DOCK5: variants seen among roughly 807,000 people sequenced by gnomAD.
The protein encoded by DOCK5 is dedicator of cytokinesis 5, also known as dedicator of cytokinesis protein 5.
In DOCK5, 142 loss-of-function variants were observed where a neutral mutation model predicts 251.8. The ratio of observed to expected loss-of-function variants is 0.56; its 90% CI spans 0.49 to 0.65. The LOEUF (loss-of-function observed/expected upper bound fraction) is 0.65. DOCK5 is among the 30% of genes least tolerant of loss of function. The pLI is 0.00. For synonymous variants in DOCK5, 842 were observed against 835.5 expected (o/e 1.01, Z -0.13); for missense variants, 2,111 against 2,312.3 (o/e 0.91, Z 1.79).
chr8:25,331,801 T>TATAG (rs1339651435), intron 18 of DOCK5, among the ~76,000 whole-genome samples: 82 of 118,508 alleles, frequency 6.9e-4, no homozygotes, highest in Non-Finnish European at 8.9e-4. Context: ...TATATATATA[T>TATAG]AGAGAGAGAG....
intron 21 of DOCK5, among the ~76,000 whole-genome samples, chr8:25,335,183 T>C (rs976428194): frequency 6.6e-6 from 1 of 152,192 alleles, no homozygotes; most frequent in African/African-American, 2.4e-5. Context: ...TGACAGTGGC[T>C]TAAGCCACAT....
chr8:25,278,432 A>T, intron 4 of DOCK5, 137 bp from the exon 5 acceptor site: 1 of 734,410 alleles, frequency 1.4e-6, no homozygotes, highest in Non-Finnish European at 2.3e-6. Context: ...GGATGCGATA[A>T]AGTCCCCTGC....
chr8:25,334,344 A>G, intron 21 of DOCK5, 148 bp downstream of exon 21: 1 of 661,178 alleles, frequency 1.5e-6, no homozygotes, highest in Non-Finnish European at 2.6e-6. Context: ...CCGGGTGGAA[A>G]AAGGGAACCA....
Position 25,340,893 on chromosome 8 carries a change from A to G in DOCK5, c.2344A>G (p.Lys782Glu). The G allele has an allele frequency of 6.2e-7, 1 of 1,613,690 alleles. No homozygotes were observed. The highest frequency in any genetic ancestry group is 8.5e-7 in the Non-Finnish European group (1 of 1,179,754). Residue 782 changes from lysine to glutamate, a missense_variant, in exon 23 of 52, where the codon AAA (lysine) becomes GAA (glutamate). Lys to Glu is a moderately conservative substitution (Grantham distance 56). This residue lies in a region of DOCK5 where 1,717 missense variants were observed against 1,892.4 expected (regional missense o/e 0.91). Coordinates refer to ENST00000276440, the MANE Select transcript of DOCK5 (RefSeq NM_024940.8). ...CCTATTAAGATTTTATGGGCAGAGC[A>G]AAGATGGAGATGAGTTTAATAATTC... ...VLYLRFYGQS[K>E]DGDEFNNSIR...
intron 1 of DOCK5, among the ~76,000 whole-genome samples, chr8:25,194,437 C>T (rs1417251382): frequency 1.3e-5 from 2 of 152,144 alleles, no homozygotes; most frequent in East Asian, 1.9e-4. Context: ...AGTTTTCCTC[C>T]CATATCCCCA....
intron 25 of DOCK5, among the ~76,000 whole-genome samples, chr8:25,342,906 C>T (rs1440524958): frequency 6.6e-6 from 1 of 151,406 alleles, no homozygotes; most frequent in African/African-American, 2.4e-5. Context: ...GGGGTTTCAC[C>T]ACGTTAGCCA....
chr8:25,399,205 C>G (rs1177688048), intron 45 of DOCK5, among the ~76,000 whole-genome samples: 5 of 152,100 alleles, frequency 3.3e-5, no homozygotes. Flanking sequence ...AAAACAGTAC[C>G]CTATATAAGG....
intron 1 of DOCK5, among the ~76,000 whole-genome samples, chr8:25,242,822 C>T (rs1342310700): frequency 6.6e-6 from 1 of 152,174 alleles, no homozygotes; most frequent in African/African-American, 2.4e-5. Context: ...CAGGCACCAT[C>T]GTTGCACCGT....
intron 1 of DOCK5, among the ~76,000 whole-genome samples, chr8:25,226,353 C>T (rs1424631204): frequency 4.1e-5 from 6 of 147,292 alleles, no homozygotes; most frequent in Non-Finnish European, 8.9e-5. Context: ...ACCTCCATCT[C>T]CCAGGTTCAA....
At chr8:25,274,684 G>A (rs539061593) in intron 3 of DOCK5, among the ~76,000 whole-genome samples, 2 of 152,266 alleles carry the variant, frequency 1.3e-5, no homozygotes, top group Admixed American at 6.5e-5. Flanking sequence ...ACTAACACCC[G>A]TTGATTTTGA....
At chr8:25,396,763 CGTGTGTGT>C (rs5890230) in intron 45 of DOCK5, among the ~76,000 whole-genome samples, 39 of 147,164 alleles carry the variant, frequency 2.7e-4, no homozygotes, top group East Asian at 4.1e-4. Context: ...CTCTTGTGTC[CGTGTGTGT>C]GTGTGTGTGT....
intron 5 of DOCK5, among the ~76,000 whole-genome samples, chr8:25,281,499 A>G (rs541969162): frequency 7.9e-5 from 12 of 151,924 alleles, no homozygotes; most frequent in Admixed American, 4.6e-4. Flanking sequence ...TTGGCTGCCA[A>G]AATCTCTTAG....
chr8:25,228,425 T>A (rs1041977184), intron 1 of DOCK5, among the ~76,000 whole-genome samples: 12 of 152,190 alleles, frequency 7.9e-5, no homozygotes, highest in Non-Finnish European at 5.9e-5. Flanking sequence ...ACAGTGACTT[T>A]GATTGAAGTG....
At chr8:25,314,057 A>G (rs985348790) in intron 13 of DOCK5, among the ~76,000 whole-genome samples, 4 of 150,142 alleles carry the variant, frequency 2.7e-5, no homozygotes, top group African/African-American at 7.4e-5. Context: ...AGACCTCTTT[A>G]ATGAATTCTA....
At chr8:25,408,372 C>T (rs1352160698) in intron 49 of DOCK5, among the ~76,000 whole-genome samples, 2 of 152,068 alleles carry the variant, frequency 1.3e-5, no homozygotes, top group Non-Finnish European at 2.9e-5. Context: ...AGATCTTGTA[C>T]CCACAATGTA....
rs755599187 is a variant in DOCK5, at chr8:25,268,894, TATC to T, written c.168+12_168+14del. 1.9e-6 allele frequency: 3 copies of T among 1,554,832 alleles called. No individual in the cohort carries two copies. Among genetic ancestry groups the T allele is most frequent in the Non-Finnish European group, 2.6e-6 (3 of 1,150,226 alleles). The stretch of plus-strand genomic sequence containing the variant: ...AAAATAAATCTAAAAAGGTATGACT[TATC>T]ATTCACTTTTTAATTTCATTTGAAA... On this transcript the variant is annotated intron_variant, in intron 3 of 51. Transcript: ENST00000276440.
chr8:25,332,896 T>G (rs1805714663), intron 20 of DOCK5, among the ~76,000 whole-genome samples: 1 of 152,232 alleles, frequency 6.6e-6, no homozygotes, highest in Non-Finnish European at 1.5e-5. Context: ...TCCTGTTAGG[T>G]CTCATTTTTT....
At chr8:25,240,423 C>T (rs1324233439) in intron 1 of DOCK5, among the ~76,000 whole-genome samples, 1 of 152,108 alleles carries the variant, frequency 6.6e-6, no homozygotes, top group East Asian at 1.9e-4. Flanking sequence ...GTTTTCATCT[C>T]CCCAAGAAGC....
At chr8:25,316,075 G>A (rs904982393) in intron 13 of DOCK5, among the ~76,000 whole-genome samples, 17 of 151,710 alleles carry the variant, frequency 1.1e-4, no homozygotes, top group African/African-American at 4.1e-4. Flanking sequence ...TTCAATATGT[G>A]GGCCACACAT....
Sources: gnomAD v4.1 joint callset for allele counts (sites outside exome capture counted in the v4.1 genomes callset) on GRCh38, gnomAD v4.1.1 for gene constraint, gnomAD v4.1.1 regional missense constraint, MANE v1.5 for transcripts, NCBI Gene and HGNC (gene_info 2026-07-23, HGNC 2026-07-21) for gene names.